MAP4K5: variants seen among roughly 807,000 people sequenced by gnomAD.
MAP4K5 encodes MAPK/ERK kinase kinase kinase 5.
A neutral mutation model predicts 135.6 loss-of-function variants in MAP4K5; 82 were observed. The ratio of observed to expected loss-of-function variants is 0.60; its 90% CI spans 0.51 to 0.73. The LOEUF is 0.73. MAP4K5 is among the 30% of genes least tolerant of loss of function. The pLI, the probability that MAP4K5 is intolerant of heterozygous loss-of-function variation, is 0.00. For missense variants in MAP4K5, 907 were observed against 1,010.9 expected (o/e 0.90, Z 1.39); for synonymous variants, 347 against 335.0 (o/e 1.04, Z -0.39).
chr14:50,451,468 C>G (rs762315155), intron 14 of MAP4K5, among the ~76,000 whole-genome samples: 2 of 152,060 alleles, frequency 1.3e-5, no homozygotes, highest in Non-Finnish European at 2.9e-5. Context: ...CTAAGAGGCT[C>G]AATCAGCCCA....
chr14:50,479,632 G>GT (rs1239259370), intron 6 of MAP4K5, among the ~76,000 whole-genome samples: 2 of 152,086 alleles, frequency 1.3e-5, no homozygotes, highest in African/African-American at 4.8e-5. Flanking sequence ...CTGTTTTAAT[G>GT]TTTTTGTCTG....
intron 28 of MAP4K5, among the ~76,000 whole-genome samples, chr14:50,431,117 T>C (rs2035958793): frequency 6.6e-6 from 1 of 152,178 alleles, no homozygotes; most frequent in Non-Finnish European, 1.5e-5. Context: ...AAATGTTCTT[T>C]GGGTAAATAT....
At chr14:50,507,896 A>C (rs1378193492) in intron 2 of MAP4K5, among the ~76,000 whole-genome samples, 1 of 152,074 alleles carries the variant, frequency 6.6e-6, no homozygotes, top group African/African-American at 2.4e-5. Context: ...CAAGTCCTGG[A>C]TATCCTTGTT....
intron 13 of MAP4K5, among the ~76,000 whole-genome samples, chr14:50,457,980 T>C (rs986215535): frequency 6.6e-6 from 1 of 152,202 alleles, no homozygotes; most frequent in African/African-American, 2.4e-5. Context: ...TTTACACATC[T>C]GGGGTATCAA....
intron 2 of MAP4K5, among the ~76,000 whole-genome samples, chr14:50,538,416 G>A (rs138282631): frequency 5.0e-4 from 76 of 152,272 alleles, no homozygotes; most frequent in African/African-American, 1.7e-3. Context: ...AACCTTTATC[G>A]TCAGAGTGGT....
At position 50,425,912 on chromosome 14, in the gene MAP4K5, C is replaced by G; in HGVS notation, c.2392G>C (p.Asp798His). The G allele has an allele frequency of 6.2e-7, 1 of 1,610,902 alleles. No homozygotes were observed. The highest frequency in any genetic ancestry group is 8.5e-7 in the Non-Finnish European group (1 of 1,177,934). Residue 798 changes from aspartate to histidine, a missense_variant, in exon 31 of 33, where the codon GAT becomes CAT. This residue lies in a region of MAP4K5 where 690 missense variants were observed against 777.4 expected (regional missense o/e 0.89). Coordinates refer to ENST00000682126, the MANE Select transcript of MAP4K5 (RefSeq NM_006575.6). The part of the protein sequence containing the change: ...HGMQGKSFKS[D>H]EVTQEISDET... Reference sequence around the variant, plus strand: ...GGTAATCTGAGAAGGCTTACCTCATCTGACTTGAAGCTTTTACCCTGCATC... The same window carrying G: ...GGTAATCTGAGAAGGCTTACCTCATGTGACTTGAAGCTTTTACCCTGCATC...
intron 2 of MAP4K5, among the ~76,000 whole-genome samples, chr14:50,527,112 G>A (rs1483891931): frequency 6.6e-6 from 1 of 152,158 alleles, no homozygotes; most frequent in African/African-American, 2.4e-5. Context: ...AGGCCAAGGT[G>A]GGCAGATCAC....
At position 50,434,474 on chromosome 14, in the gene MAP4K5, C is replaced by T; in HGVS notation, c.2084G>A (p.Gly695Asp). Reference protein sequence around the residue: ...YPMVCVAISKGTESNQVVQFE... With the variant: ...YPMVCVAISKDTESNQVVQFE... ...CTGAACTACCTGATTCGATTCAGTG[C>T]CTTTGCTAATAGCTACACAGACCAT... Residue 695 changes from glycine to aspartate, a missense_variant, in exon 28 of 33, where the codon GGC (glycine) becomes GAC (aspartate). Around this residue, in one of 3 missense-constraint regions of MAP4K5, gnomAD observed 690 missense variants for 777.4 expected, o/e 0.89. Transcript: ENST00000682126. 6.2e-7 allele frequency: 1 copy of T among 1,608,996 alleles called. No homozygotes were observed. The highest frequency in any genetic ancestry group is 8.5e-7 in the Non-Finnish European group (1 of 1,177,556).
intron 2 of MAP4K5, among the ~76,000 whole-genome samples, chr14:50,520,369 C>A (rs1181120041): frequency 6.6e-6 from 1 of 152,092 alleles, no homozygotes; most frequent in Admixed American, 6.5e-5. Flanking sequence ...GGCATGGCAG[C>A]GTGCGCCTGT....
At chr14:50,518,742 C>T (rs1381045605) in intron 2 of MAP4K5, among the ~76,000 whole-genome samples, 4 of 152,162 alleles carry the variant, frequency 2.6e-5, no homozygotes, top group African/African-American at 9.7e-5. Flanking sequence ...AGGTTTCTCC[C>T]AACTCTTTTC....
chr14:50,425,447 T>C (rs2035824845), intron 31 of MAP4K5, among the ~76,000 whole-genome samples: 1 of 152,234 alleles, frequency 6.6e-6, no homozygotes. Flanking sequence ...TAAAGTTTGA[T>C]ATTATTTACA....
rs764464075 is a variant in MAP4K5, at chr14:50,497,916, G to C, written c.166+6884C>G. Among the ~76,000 whole-genome samples the C allele has an allele frequency of 1.1e-4, 16 of 152,062 alleles. 1 individual carries two copies. Among genetic ancestry groups the C allele is most frequent in the Non-Finnish European group, 1.9e-4 (13 of 68,012 alleles). On this transcript the variant is annotated intron_variant, in intron 3 of 32. Transcript: ENST00000682126. ...ATTAAATTACATCCCTGTAAGCAAG[G>C]CCGAAAATATTTAAATAAACTGTAA... is the stretch of plus-strand genomic sequence containing the variant.
intron 29 of MAP4K5, 72 bp from the exon 30 acceptor site, chr14:50,428,826 A>G: frequency 1.3e-6 from 1 of 747,088 alleles, no homozygotes; most frequent in South Asian, 1.7e-5. Flanking sequence ...ATATATGTGG[A>G]TTTTACATGG....
At chr14:50,549,608 T>C (rs1333092758) in intron 1 of MAP4K5, among the ~76,000 whole-genome samples, 1 of 152,176 alleles carries the variant, frequency 6.6e-6, no homozygotes, top group East Asian at 1.9e-4. Flanking sequence ...ATCAAGTGTC[T>C]CACTGCTCTT....
At chr14:50,512,001 T>C (rs901122925) in intron 2 of MAP4K5, among the ~76,000 whole-genome samples, 16 of 152,110 alleles carry the variant, frequency 1.1e-4, no homozygotes, top group Non-Finnish European at 2.2e-4. Context: ...TCAAAACCCA[T>C]AGAACTATAC....
chr14:50,443,830 G>T (rs1595442933), intron 19 of MAP4K5, 60 bp from the exon 20 acceptor site: 1 of 1,521,214 alleles, frequency 6.6e-7, no homozygotes, highest in East Asian at 2.3e-5. Context: ...AGAAACTTGA[G>T]ACATTTAGAA....
At chr14:50,470,653 TACACACACACACACAC>T (rs59377868) in intron 9 of MAP4K5, among the ~76,000 whole-genome samples, 3 of 149,104 alleles carry the variant, frequency 2.0e-5, no homozygotes, top group South Asian at 2.1e-4. Flanking sequence ...CATCCATTTT[TACACACACACACACAC>T]ACACACACAC....
intron 5 of MAP4K5, among the ~76,000 whole-genome samples, chr14:50,484,011 C>T (rs954880418): frequency 6.6e-6 from 1 of 152,082 alleles, no homozygotes; most frequent in African/African-American, 2.4e-5. Context: ...CAGGTGCCTG[C>T]CACCACACTT....
At chr14:50,493,105 T>C (rs1451350372) in intron 3 of MAP4K5, among the ~76,000 whole-genome samples, 1 of 151,760 alleles carries the variant, frequency 6.6e-6, no homozygotes, top group Non-Finnish European at 1.5e-5. Flanking sequence ...CACTGTTAGC[T>C]TTCTGTTTGT....
Sources: gnomAD v4.1 joint callset for allele counts (sites outside exome capture counted in the v4.1 genomes callset) on GRCh38, gnomAD v4.1.1 for gene constraint, gnomAD v4.1.1 regional missense constraint, MANE v1.5 for transcripts, NCBI Gene and HGNC (gene_info 2026-07-23, HGNC 2026-07-21) for gene names.